The following FMNL2 variants were observed in gnomAD, a reference collection of about 807,000 sequenced individuals.
FMNL2 encodes formin-like protein 2.
Under a neutral mutation model 130.2 loss-of-function variants are expected in FMNL2, and 51 were observed. The observed-to-expected ratio is 0.39, with a 90% CI of 0.31 to 0.49. FMNL2 has a LOEUF of 0.49. Ranked by LOEUF, FMNL2 falls within the 20% of genes least tolerant of loss-of-function variation. The pLI, the probability that FMNL2 is intolerant of heterozygous loss-of-function variation, is 0.85. For missense variants in FMNL2, 977 were observed against 1,316.2 expected, an observed-to-expected ratio of 0.74 and a Z score of 3.99; for synonymous variants, 465 against 467.1, an observed-to-expected ratio of 1.00 and a Z score of 0.06.
At chr2:152,453,714 T>C (rs1688783799) in intron 1 of FMNL2, among the ~76,000 whole-genome samples, 1 of 152,198 alleles carries the variant, frequency 6.6e-6, no homozygotes, top group Admixed American at 6.5e-5. Flanking sequence ...ATTTAGATTG[T>C]ATGCCATTCT....
At chr2:152,348,217 A>G (rs1277923791) in intron 1 of FMNL2, among the ~76,000 whole-genome samples, 1 of 152,186 alleles carries the variant, frequency 6.6e-6, no homozygotes, top group East Asian at 1.9e-4. Flanking sequence ...ATTAAATATC[A>G]CTTTGTATAA....
intron 1 of FMNL2, among the ~76,000 whole-genome samples, chr2:152,445,438 A>G (rs1688279588): frequency 1.3e-5 from 2 of 152,216 alleles, no homozygotes; most frequent in South Asian, 4.1e-4. Context: ...ACATTTTATA[A>G]TCTGTGCCGA....
chr2:152,545,744 G>A (rs1694595411), intron 3 of FMNL2, among the ~76,000 whole-genome samples: 2 of 152,122 alleles, frequency 1.3e-5, no homozygotes, highest in South Asian at 4.1e-4. Flanking sequence ...GCTCCCCATG[G>A]GCACATAATT....
intron 1 of FMNL2, among the ~76,000 whole-genome samples, chr2:152,451,721 C>T (rs760890612): frequency 9.9e-5 from 15 of 152,030 alleles, no homozygotes; most frequent in Non-Finnish European, 2.2e-4. Context: ...ACTAGACTCT[C>T]GAAACAAACT....
intron 13 of FMNL2, among the ~76,000 whole-genome samples, chr2:152,618,593 C>T (rs575729061): frequency 6.6e-6 from 1 of 152,268 alleles, no homozygotes; most frequent in East Asian, 1.9e-4. Flanking sequence ...TTTCCACCTG[C>T]AGGGAAAATT....
chr2:152,629,576 T>C (rs2105928707), intron 18 of FMNL2, 80 bp from the exon 19 acceptor site: 1 of 1,315,250 alleles, frequency 7.6e-7, no homozygotes, highest in East Asian at 2.5e-5. Context: ...TTTTCTTCTG[T>C]CTTAATATTT....
At chr2:152,537,376 ACC>A (rs1275165004) in intron 2 of FMNL2, among the ~76,000 whole-genome samples, 1 of 152,180 alleles carries the variant, frequency 6.6e-6, no homozygotes, top group East Asian at 1.9e-4. Context: ...GTTCCAGGCA[ACC>A]AGTAGGGAAA....
At chr2:152,647,090 T>TA (rs2105994469) in intron 25 of FMNL2, among the ~76,000 whole-genome samples, 1 of 151,358 alleles carries the variant, frequency 6.6e-6, no homozygotes, top group South Asian at 2.1e-4. Context: ...GTGGTAGAGC[T>TA]CGGTAGTCCC....
At chr2:152,553,814 T>C (rs1479114313) in intron 4 of FMNL2, among the ~76,000 whole-genome samples, 1 of 151,852 alleles carries the variant, frequency 6.6e-6, no homozygotes, top group East Asian at 1.9e-4. Context: ...CAAAAAAAAA[T>C]TGGTGACAAA....
chr2:152,483,244 C>T (rs545444722), intron 1 of FMNL2, among the ~76,000 whole-genome samples: 10 of 152,156 alleles, frequency 6.6e-5, no homozygotes, highest in African/African-American at 2.4e-4. Context: ...TTTCCAAGTT[C>T]ATGTCTGTGT....
At chr2:152,610,237 T>C (rs1698604419) in intron 10 of FMNL2, among the ~76,000 whole-genome samples, 1 of 152,220 alleles carries the variant, frequency 6.6e-6, no homozygotes, top group Non-Finnish European at 1.5e-5. Flanking sequence ...GTAATAATTT[T>C]CACATTTTGT....
intron 2 of FMNL2, among the ~76,000 whole-genome samples, chr2:152,527,152 C>G (rs938172198): frequency 1.2e-4 from 18 of 152,094 alleles, no homozygotes; most frequent in African/African-American, 4.3e-4. Context: ...CTAGGGGTGC[C>G]TTAGCTCCTG....
rs13421428 is a variant in FMNL2, at chr2:152,625,226, T to C, written c.1838-212T>C. ...CCTTGGCCCTTAAGACGTCTTTTAATACAATGATGTGTTAGTCAACCAAAT... is the reference window on the plus strand; with the variant it reads ...CCTTGGCCCTTAAGACGTCTTTTAACACAATGATGTGTTAGTCAACCAAAT... On this transcript the variant is annotated intron_variant, in intron 15 of 25. Transcript: ENST00000288670. The C allele has an allele frequency of 9.8e-3, 4,682 of 475,388 alleles. 51 individuals carry two copies. The highest frequency in any genetic ancestry group is 0.024 in the South Asian group (401 of 16,542). The allele number at this position is 475,388 out of a possible 1,614,324, so 29.4% of individuals were successfully genotyped here.
At chr2:152,603,744 T>C (rs1253437314) in intron 9 of FMNL2, among the ~76,000 whole-genome samples, 1 of 151,150 alleles carries the variant, frequency 6.6e-6, no homozygotes, top group Non-Finnish European at 1.5e-5. Flanking sequence ...GGTTACCTTA[T>C]TATTCATTGC....
At chr2:152,448,078 A>G (rs1301991036) in intron 1 of FMNL2, among the ~76,000 whole-genome samples, 1 of 152,146 alleles carries the variant, frequency 6.6e-6, no homozygotes, top group African/African-American at 2.4e-5. Flanking sequence ...ATGGTCATAG[A>G]TGAGTTTCCA....
chr2:152,441,649 C>G (rs939861879), intron 1 of FMNL2, among the ~76,000 whole-genome samples: 1 of 152,000 alleles, frequency 6.6e-6, no homozygotes, highest in Non-Finnish European at 1.5e-5. Context: ...GCAGCTTGAC[C>G]AACATGGAGA....
intron 9 of FMNL2, among the ~76,000 whole-genome samples, chr2:152,586,544 A>G (rs1697085228): frequency 6.6e-6 from 1 of 152,196 alleles, no homozygotes. Flanking sequence ...ATCTAGCATG[A>G]GACCATCCAG....
At chr2:152,466,975 T>G (rs1476476228) in intron 1 of FMNL2, among the ~76,000 whole-genome samples, 1 of 152,198 alleles carries the variant, frequency 6.6e-6, no homozygotes, top group Non-Finnish European at 1.5e-5. Flanking sequence ...TGAAATATTC[T>G]TCCTTCTTCC....
rs140604136 is a variant in FMNL2, at chr2:152,358,752, A to G, written c.117+23032A>G. 1.2e-4 allele frequency among the ~76,000 whole-genome samples: 18 copies of G among 152,330 alleles called. No homozygotes were observed. In the East Asian group the frequency reaches 3.5e-3, roughly 29 times the overall value. The stretch of plus-strand genomic sequence containing the variant: ...TAACTACTGCAAATAATGGGAGTCA[A>G]CTATCTCTTGTCATATTGATGGACA... On this transcript the variant is annotated intron_variant, in intron 1 of 25. Coordinates refer to ENST00000288670, the MANE Select transcript of FMNL2 (RefSeq NM_052905.4).
Sources: allele counts gnomAD v4.1 joint callset (sites outside exome capture counted in the v4.1 genomes callset), GRCh38; gene constraint gnomAD v4.1.1; transcripts MANE v1.5; gene names NCBI Gene and HGNC (gene_info 2026-07-23, HGNC 2026-07-21).